Variants in UBE2J1 observed in about 807,000 individuals in gnomAD.
The protein encoded by UBE2J1 is ubiquitin-conjugating enzyme E2 J1.
In UBE2J1, 17 loss-of-function variants were observed where a neutral mutation model predicts 42.1. The ratio of observed to expected loss-of-function variants is 0.40; its 90% CI spans 0.28 to 0.61. UBE2J1 has a LOEUF of 0.61. Ranked by LOEUF, UBE2J1 falls within the 20% of genes least tolerant of loss-of-function variation. The pLI is 0.38. For missense variants in UBE2J1, 291 were observed against 389.4 expected, an observed-to-expected ratio of 0.75 and a Z score of 2.13; for synonymous variants, 127 against 137.2, an observed-to-expected ratio of 0.93 and a Z score of 0.52.
intron 1 of UBE2J1, among the ~76,000 whole-genome samples, chr6:89,351,993 T>G (rs545525195): frequency 1.3e-5 from 2 of 152,342 alleles, no homozygotes; most frequent in Admixed American, 6.5e-5. Context: ...GAGGTGTTTT[T>G]TTGTTGTTGT....
In UBE2J1 at chr6:89,352,600, G is replaced by A. The variant is rs1445220294; in HGVS notation, c.-31C>T. ...GTCGCTGGCTTGGCTCCGGCCTCCCGGGCCGCTGCCACCTCCTCTCCACGC... is the reference window on the plus strand; with the variant it reads ...GTCGCTGGCTTGGCTCCGGCCTCCCAGGCCGCTGCCACCTCCTCTCCACGC... On this transcript the variant is annotated 5_prime_UTR_variant, in exon 1 of 8. Coordinates refer to ENST00000435041, the MANE Select transcript of UBE2J1 (RefSeq NM_016021.3). 21 of 1,547,962 alleles carry A rather than the reference G, an allele frequency of 1.4e-5. No homozygotes were observed. Among genetic ancestry groups the A allele is most frequent in the Non-Finnish European group, 1.6e-5 (19 of 1,155,026 alleles).
intron 5 of UBE2J1, among the ~76,000 whole-genome samples, chr6:89,336,544 A>C (rs1401041576): frequency 6.8e-6 from 1 of 148,124 alleles, no homozygotes; most frequent in Non-Finnish European, 1.5e-5. Context: ...TGTTATCCAG[A>C]TTGGTCCAGA....
intron 1 of UBE2J1, among the ~76,000 whole-genome samples, chr6:89,345,559 G>A (rs1296922332): frequency 6.6e-6 from 1 of 151,724 alleles, no homozygotes; most frequent in African/African-American, 2.4e-5. Flanking sequence ...CTGAGGTCGT[G>A]CCATTGCACT....
At chr6:89,335,536 C>T (rs1768092148) in intron 5 of UBE2J1, 105 bp from the exon 6 acceptor site, 1 of 793,672 alleles carries the variant, frequency 1.3e-6, no homozygotes, top group Non-Finnish European at 1.8e-6. Context: ...GAAAGGAACA[C>T]TGGAAAATTC....
chr6:89,347,614 C>T (rs1470195780), intron 1 of UBE2J1, among the ~76,000 whole-genome samples: 4 of 152,212 alleles, frequency 2.6e-5, no homozygotes, highest in African/African-American at 9.6e-5. Flanking sequence ...TCATAAGTCA[C>T]TCAGGCACAT....
Position 89,343,745 on chromosome 6 carries a change from A to G in UBE2J1, c.43T>C (p.Leu15=). The change falls in exon 2 of 8, where the codon TTA becomes CTA. Residue 15 remains leucine, a synonymous_variant. Coordinates refer to ENST00000435041, the MANE Select transcript of UBE2J1 (RefSeq NM_016021.3). ...TTCAATTCTGCCGCTTCTTTCATTA[A>G]ACGTTTAACAGCTAAAATAAAATTC... ...YNLKSPAVKR[L]MKEAAELKDP... The G allele has an allele frequency of 1.2e-6, 2 of 1,606,962 alleles. No homozygotes were observed. The highest frequency in any genetic ancestry group is 1.7e-6 in the Non-Finnish European group (2 of 1,176,380).
At position 89,329,238 on chromosome 6, in the gene UBE2J1, G is replaced by A. The variant is rs1036522159; in HGVS notation, c.*441C>T. ...TTAAGGAAGCTACTTGAGGAGTTTTGCTTTCCCTTTTCAACTCTTCTATCC... is the reference window on the plus strand; with the variant it reads ...TTAAGGAAGCTACTTGAGGAGTTTTACTTTCCCTTTTCAACTCTTCTATCC... On this transcript the variant is annotated 3_prime_UTR_variant, in exon 8 of 8. Coordinates refer to ENST00000435041, the MANE Select transcript of UBE2J1 (RefSeq NM_016021.3). The A allele has an allele frequency of 6.3e-6, 1 of 157,850 alleles. No individual in the cohort carries two copies. The highest frequency in any genetic ancestry group is 2.4e-5 in the African/African-American group (1 of 41,476). The allele number at this position is 157,850 out of a possible 1,614,324, so 9.8% of individuals were successfully genotyped here.
chr6:89,340,742 G>GTATTTATTTATT lies in UBE2J1; in HGVS notation c.237+1570_237+1581dup, dbSNP rs138529944. On this transcript the variant is annotated intron_variant, in intron 3 of 7. Coordinates refer to ENST00000435041, the MANE Select transcript of UBE2J1 (RefSeq NM_016021.3). Reference sequence around the variant, plus strand: ...TAGAGGTAAAAGCAGCATTAATTTGGTATTTATTTATTTATTTATTTATTT... The same window carrying GTATTTATTTATT: ...TAGAGGTAAAAGCAGCATTAATTTGGTATTTATTTATTTATTTATTTATTTATTTATTTATTT... 3.4e-5 allele frequency among the ~76,000 whole-genome samples: 5 copies of GTATTTATTTATT among 148,310 alleles called. No homozygotes were observed. In the East Asian group the frequency reaches 6.0e-4, roughly 18 times the overall value.
intron 5 of UBE2J1, among the ~76,000 whole-genome samples, chr6:89,336,452 C>A (rs9451205): frequency 0.26 from 37,693 of 145,178 alleles, 5,054 homozygotes; most frequent in African/African-American, 0.34. Context: ...CACCACACCC[C>A]GCTAATTTTT....
At chr6:89,337,807 T>C (rs1424179185) in intron 5 of UBE2J1, among the ~76,000 whole-genome samples, 3 of 152,172 alleles carry the variant, frequency 2.0e-5, no homozygotes, top group Non-Finnish European at 4.4e-5. Context: ...GATGCAAAGA[T>C]GGATAAAGTG....
In UBE2J1 at chr6:89,335,283, A is replaced by G; in HGVS notation, c.558+19T>C. On this transcript the variant is annotated intron_variant, in intron 6 of 7. Transcript: ENST00000435041. ...CAAAAGGGTTGCAAGATTAGCATTT[A>G]TTTAAGAATTTATAGTACCTTAAAG... 6.5e-7 allele frequency: 1 copy of G among 1,540,962 alleles called. No individual in the cohort carries two copies. Among genetic ancestry groups the G allele is most frequent in the Non-Finnish European group, 8.8e-7 (1 of 1,140,042 alleles).
intron 4 of UBE2J1, 23 bp from the exon 5 acceptor site, chr6:89,338,333 A>T (rs1314194156): frequency 6.2e-7 from 1 of 1,602,896 alleles, no homozygotes; most frequent in Non-Finnish European, 8.5e-7. Context: ...AGTAAATATC[A>T]ATCTAAATTG....
rs1223851654 is a variant in UBE2J1, at chr6:89,327,169, A to G, written c.*2510T>C. The G allele has an allele frequency of 6.7e-6, 1 of 149,952 alleles. No homozygotes were observed. Among genetic ancestry groups the G allele is most frequent in the East Asian group, 2.0e-4 (1 of 5,060 alleles). The allele number at this position is 149,952 out of a possible 1,614,324, so 9.3% of individuals were successfully genotyped here. A position where few individuals can be genotyped will look rare whatever the true frequency, so the allele number is the denominator to read the frequency against. On this transcript the variant is annotated 3_prime_UTR_variant, in exon 8 of 8. Coordinates refer to ENST00000435041, the MANE Select transcript of UBE2J1 (RefSeq NM_016021.3). ...TTTTGAAAAGTTTATTGGCTTAAAC[A>G]GTTACAGGTGAAACAGATTACGTAT... is the stretch of plus-strand genomic sequence containing the variant.
intron 7 of UBE2J1, 22 bp downstream of exon 7, chr6:89,333,064 T>C (rs1768038799): frequency 1.1e-5 from 17 of 1,576,516 alleles, no homozygotes; most frequent in Non-Finnish European, 1.5e-5. Flanking sequence ...CATACATATA[T>C]ATTAAAAGAT....
chr6:89,351,437 G>A (rs1457627801), intron 1 of UBE2J1, among the ~76,000 whole-genome samples: 1 of 151,926 alleles, frequency 6.6e-6, no homozygotes, highest in Non-Finnish European at 1.5e-5. Context: ...GGTCACCTAA[G>A]GACATTTCTT....
intron 1 of UBE2J1, among the ~76,000 whole-genome samples, chr6:89,345,468 G>A (rs1409462510): frequency 6.6e-6 from 1 of 152,136 alleles, no homozygotes; most frequent in Non-Finnish European, 1.5e-5. Flanking sequence ...CAGGCATGGT[G>A]GCGGACGCCT....
intron 7 of UBE2J1, among the ~76,000 whole-genome samples, chr6:89,331,282 T>C (rs1768004355): frequency 6.6e-6 from 1 of 152,218 alleles, no homozygotes. Context: ...GTAAATATAA[T>C]TAAAAACTTA....
chr6:89,343,292 G>A (rs1472341801), intron 2 of UBE2J1, among the ~76,000 whole-genome samples: 2 of 151,914 alleles, frequency 1.3e-5, no homozygotes, highest in African/African-American at 4.8e-5. Flanking sequence ...AAAATTAGCC[G>A]GGCGTGGTGG....
chr6:89,346,653 C>T (rs1426325151), intron 1 of UBE2J1, among the ~76,000 whole-genome samples: 1 of 152,018 alleles, frequency 6.6e-6, no homozygotes, highest in Admixed American at 6.6e-5. Context: ...GCCCCCCACC[C>T]CCTACAGTGC....
Sources: allele counts gnomAD v4.1 joint callset (sites outside exome capture counted in the v4.1 genomes callset), GRCh38; gene constraint gnomAD v4.1.1; transcripts MANE v1.5; gene names NCBI Gene and HGNC (gene_info 2026-07-23, HGNC 2026-07-21).